TTC28: variants seen among roughly 807,000 people sequenced by gnomAD.
TTC28 encodes tetratricopeptide repeat domain 28, also known as tetratricopeptide repeat protein 28.
Under a neutral mutation model 198.0 loss-of-function variants are expected in TTC28, and 61 were observed. The observed-to-expected ratio is 0.31, with a 90% confidence interval of 0.25 to 0.38. The LOEUF (loss-of-function observed/expected upper bound fraction) is 0.38. TTC28 is among the 10% of genes least tolerant of loss of function. The pLI is 1.00. For synonymous variants in TTC28, 1,171 were observed against 1,297.8 expected (o/e 0.90, Z 2.10); for missense variants, 2,678 against 3,164.0 (o/e 0.85, Z 3.69).
At position 27,981,940 on chromosome 22, in the gene TTC28, A is replaced by G. The variant is rs1188516241; in HGVS notation, c.*281T>C. ...GTGAAGAATCATATCAAAGATGAGAAGCAGGGAGTTCAAAGGTAAACAAAC... is the reference window on the plus strand; with the variant it reads ...GTGAAGAATCATATCAAAGATGAGAGGCAGGGAGTTCAAAGGTAAACAAAC... On this transcript the variant is annotated 3_prime_UTR_variant, in exon 23 of 23. Transcript: ENST00000397906. 1 of 360,618 alleles carries G rather than the reference A, an allele frequency of 2.8e-6. No individual in the cohort carries two copies. The highest frequency in any genetic ancestry group is 2.1e-5 in the African/African-American group (1 of 47,812). The allele number at this position is 360,618 out of a possible 1,614,324, so 22.3% of individuals were successfully genotyped here.
At chr22:28,087,841 A>G (rs1941667972) in intron 12 of TTC28, among the ~76,000 whole-genome samples, 1 of 152,152 alleles carries the variant, frequency 6.6e-6, no homozygotes, top group Non-Finnish European at 1.5e-5. Context: ...AAGGTACAAA[A>G]ATCACAAGCA....
intron 5 of TTC28, among the ~76,000 whole-genome samples, chr22:28,166,282 A>T (rs888932968): frequency 2.6e-5 from 4 of 152,182 alleles, no homozygotes; most frequent in Non-Finnish European, 5.9e-5. Context: ...GAAAGTTAAC[A>T]AGGATATCCA....
At chr22:28,083,364 C>G (rs1941436794) in intron 12 of TTC28, among the ~76,000 whole-genome samples, 1 of 151,970 alleles carries the variant, frequency 6.6e-6, no homozygotes, top group Non-Finnish European at 1.5e-5. Flanking sequence ...GAAAATAAAC[C>G]CAGAATACCT....
intron 6 of TTC28, among the ~76,000 whole-genome samples, chr22:28,132,704 A>G (rs903334739): frequency 2.6e-5 from 4 of 152,326 alleles, no homozygotes; most frequent in Admixed American, 2.6e-4. Context: ...TAAAGGGCAG[A>G]GGCTACCTCA....
At chr22:28,240,378 G>A (rs1929577782) in intron 5 of TTC28, among the ~76,000 whole-genome samples, 1 of 152,016 alleles carries the variant, frequency 6.6e-6, no homozygotes, top group East Asian at 1.9e-4. Context: ...TTGGAATTGG[G>A]GGTATCTATA....
At chr22:28,324,535 A>C (rs182047623) in intron 2 of TTC28, among the ~76,000 whole-genome samples, 21 of 152,320 alleles carry the variant, frequency 1.4e-4, no homozygotes, top group Admixed American at 1.3e-3. Flanking sequence ...CAAAAAGCTT[A>C]TCCACCATGA....
chr22:28,641,023 A>G (rs2051355867), intron 1 of TTC28, among the ~76,000 whole-genome samples: 1 of 152,168 alleles, frequency 6.6e-6, no homozygotes, highest in African/African-American at 2.4e-5. Context: ...ATACTACTCA[A>G]CCATAAAAAA....
chr22:28,207,242 C>CAAAA (rs146874032), intron 5 of TTC28, among the ~76,000 whole-genome samples: 1 of 141,212 alleles, frequency 7.1e-6, no homozygotes, highest in Non-Finnish European at 1.5e-5. Context: ...AAAAAAAGCA[C>CAAAA]AAAAAAAAAC....
intron 6 of TTC28, among the ~76,000 whole-genome samples, chr22:28,152,218 C>T (rs947590875): frequency 1.3e-5 from 2 of 152,126 alleles, no homozygotes; most frequent in African/African-American, 4.8e-5. Context: ...GAGAAAGGGC[C>T]GCTCCCTCCT....
chr22:28,038,112 C>G (rs1369752335), intron 12 of TTC28, among the ~76,000 whole-genome samples: 1 of 152,134 alleles, frequency 6.6e-6, no homozygotes, highest in East Asian at 1.9e-4. Context: ...TTTATAGATT[C>G]AAGGCCATCC....
At chr22:28,428,062 G>T (rs1413508670) in intron 2 of TTC28, among the ~76,000 whole-genome samples, 1 of 150,358 alleles carries the variant, frequency 6.7e-6, no homozygotes, top group African/African-American at 2.5e-5. Flanking sequence ...ATTAATATAG[G>T]TATAATACTC....
At chr22:28,386,523 C>T (rs1288325431) in intron 2 of TTC28, among the ~76,000 whole-genome samples, 1 of 152,026 alleles carries the variant, frequency 6.6e-6, no homozygotes, top group African/African-American at 2.4e-5. Context: ...TCACAAGTTA[C>T]TCAACAACAG....
chr22:28,581,034 G>A (rs766168407), intron 2 of TTC28, among the ~76,000 whole-genome samples: 1 of 151,874 alleles, frequency 6.6e-6, no homozygotes, highest in Non-Finnish European at 1.5e-5. Context: ...ATCCAATATG[G>A]TTTGGATTTG....
intron 12 of TTC28, among the ~76,000 whole-genome samples, chr22:28,085,499 C>A (rs1001550754): frequency 2.0e-5 from 3 of 152,150 alleles, no homozygotes; most frequent in Admixed American, 6.6e-5. Flanking sequence ...CCTAAAAGAG[C>A]TCCTGAAGGA....
At chr22:28,414,080 T>C (rs185076454) in intron 2 of TTC28, among the ~76,000 whole-genome samples, 2 of 152,356 alleles carry the variant, frequency 1.3e-5, no homozygotes, top group East Asian at 3.9e-4. Context: ...CTGTCAATCA[T>C]TAATATGTCA....
intron 2 of TTC28, among the ~76,000 whole-genome samples, chr22:28,488,484 C>A (rs1196590673): frequency 6.6e-6 from 1 of 152,042 alleles, no homozygotes; most frequent in Admixed American, 6.5e-5. Context: ...GGTAAACCTG[C>A]ATTATATGAA....
intron 5 of TTC28, among the ~76,000 whole-genome samples, chr22:28,173,160 TA>T (rs1462521990): frequency 2.6e-5 from 4 of 152,220 alleles, no homozygotes; most frequent in African/African-American, 9.6e-5. Flanking sequence ...TAAAGTCCGG[TA>T]TTTTACAGCC....
intron 1 of TTC28, among the ~76,000 whole-genome samples, chr22:28,670,706 T>TATATATATATATATAC (rs2051865553): frequency 7.0e-6 from 1 of 143,432 alleles, no homozygotes; most frequent in African/African-American, 2.5e-5. Flanking sequence ...CTTTAGGGCA[T>TATATATATATATATAC]ATATATATAT....
intron 2 of TTC28, among the ~76,000 whole-genome samples, chr22:28,446,806 G>C (rs927179683): frequency 2.0e-5 from 3 of 152,142 alleles, no homozygotes; most frequent in Non-Finnish European, 2.9e-5. Flanking sequence ...TAACAGATAA[G>C]GCAAAGAAAT....
Sources: gnomAD v4.1 joint callset for allele counts (sites outside exome capture counted in the v4.1 genomes callset) on GRCh38, gnomAD v4.1.1 for gene constraint, MANE v1.5 for transcripts, NCBI Gene and HGNC (gene_info 2026-07-23, HGNC 2026-07-21) for gene names.